The following KANK1 variants were observed in gnomAD, a reference collection of about 807,000 sequenced individuals.
KANK1 encodes KN motif and ankyrin repeat domain-containing protein 1.
KANK1 carries 109 observed loss-of-function variants against 106.2 expected under a neutral mutation model. The ratio of observed to expected loss-of-function variants is 1.03; its 90% confidence interval spans 0.88 to 1.20. The LOEUF is 1.20. KANK1 is among the 50% of genes most tolerant of loss of function. The probability of loss-of-function intolerance (pLI) is 0.00; values close to 1 mark genes in which losing one functional copy is unlikely to be tolerated. For missense variants in KANK1, 2,399 were observed against 1,710.7 expected, an observed-to-expected ratio of 1.40 and a Z score of -7.10; for synonymous variants, 873 against 652.2, an observed-to-expected ratio of 1.34 and a Z score of -5.16.
chr9:687,546 A>G (rs952797176), intron 2 of KANK1, among the ~76,000 whole-genome samples: 3 of 152,172 alleles, frequency 2.0e-5, no homozygotes, highest in Non-Finnish European at 4.4e-5. Flanking sequence ...AGCTGTATCC[A>G]AAGAGTTGTG....
intron 1 of KANK1, among the ~76,000 whole-genome samples, chr9:589,546 G>C (rs1824318960): frequency 6.6e-6 from 1 of 152,004 alleles, no homozygotes; most frequent in Non-Finnish European, 1.5e-5. Flanking sequence ...ATAAAGAAAG[G>C]GAAAAACAGG....
At chr9:508,119 G>GC (rs1563687664) in intron 1 of KANK1, among the ~76,000 whole-genome samples, 8 of 115,452 alleles carry the variant, frequency 6.9e-5, no homozygotes, top group African/African-American at 2.1e-4. Flanking sequence ...ACCCTGCTCA[G>GC]CCTTTTTTTT....
intron 1 of KANK1, among the ~76,000 whole-genome samples, chr9:662,294 A>G (rs1843508903): frequency 6.6e-6 from 1 of 152,190 alleles, no homozygotes; most frequent in Non-Finnish European, 1.5e-5. Context: ...TCAAGCTACC[A>G]ATGACTTTCT....
intron 1 of KANK1, among the ~76,000 whole-genome samples, chr9:574,854 C>CA (rs57091352): frequency 0.17 from 13,568 of 78,730 alleles, 1,073 homozygotes; most frequent in East Asian, 0.33. Context: ...GACTCCGTCT[C>CA]AAAAAAAAAA....
In KANK1 at chr9:630,621, G is replaced by T. The variant is rs537819946; in HGVS notation, c.-83-46269G>T. 2.0e-3 allele frequency among the ~76,000 whole-genome samples: 310 copies of T among 152,232 alleles called. 4 individuals carry two copies. The highest frequency in any genetic ancestry group is 4.4e-4 in the Non-Finnish European group (30 of 68,022). ...TGAGAGAGGCTGCAGAAAGCTTAGG[G>T]CTGGGCGCGGTGGCTCATGCCTGTA... On this transcript the variant is annotated intron_variant, in intron 1 of 11. Coordinates refer to ENST00000382297, the MANE Select transcript of KANK1 (RefSeq NM_015158.5).
intron 1 of KANK1, among the ~76,000 whole-genome samples, chr9:648,142 C>G (rs1012704974): frequency 6.7e-6 from 1 of 149,506 alleles, no homozygotes; most frequent in African/African-American, 2.5e-5. Context: ...TAGCTGGGAC[C>G]ACAGGCACAC....
At chr9:471,808 C>T (rs1451302269) in intron 2 of KANK1, among the ~76,000 whole-genome samples, 1 of 152,132 alleles carries the variant, frequency 6.6e-6, no homozygotes, top group African/African-American at 2.4e-5. Context: ...GCGAGAGAAT[C>T]GTTTGCACTT....
At chr9:728,167 T>G (rs1358361632) in intron 3 of KANK1, among the ~76,000 whole-genome samples, 1 of 152,178 alleles carries the variant, frequency 6.6e-6, no homozygotes, top group Non-Finnish European at 1.5e-5. Flanking sequence ...ATATATTTCT[T>G]CGATGTATTT....
At chr9:517,431 G>T (rs996834025) in intron 1 of KANK1, among the ~76,000 whole-genome samples, 5 of 150,928 alleles carry the variant, frequency 3.3e-5, no homozygotes, top group African/African-American at 9.9e-5. Context: ...GGACGGTTTC[G>T]ATTAGTTTTT....
intron 11 of KANK1, 100 bp from the exon 12 acceptor site, chr9:745,073 T>G: frequency 6.5e-7 from 1 of 1,544,756 alleles, no homozygotes; most frequent in Non-Finnish European, 8.7e-7. Flanking sequence ...GGCTCACAGC[T>G]GCTTGTTGCC....
chr9:538,597 A>G (rs1456515136), intron 1 of KANK1, among the ~76,000 whole-genome samples: 1 of 152,188 alleles, frequency 6.6e-6, no homozygotes, highest in African/African-American at 2.4e-5. Flanking sequence ...GGTTCCTTCA[A>G]ACAGGTGGGT....
chr9:683,598 A>G (rs992596618), intron 2 of KANK1, among the ~76,000 whole-genome samples: 5 of 152,230 alleles, frequency 3.3e-5, no homozygotes, highest in Admixed American at 2.0e-4. Context: ...ATATCTGTGA[A>G]GTTCTGATTA....
At chr9:487,202 G>T (rs985357168) in intron 3 of KANK1, among the ~76,000 whole-genome samples, 2 of 152,150 alleles carry the variant, frequency 1.3e-5, no homozygotes, top group African/African-American at 4.8e-5. Flanking sequence ...CAATGGTTTG[G>T]CTTATGGTTT....
chr9:493,412 C>G (rs890707074), intron 3 of KANK1, among the ~76,000 whole-genome samples: 1 of 151,806 alleles, frequency 6.6e-6, no homozygotes, highest in African/African-American at 2.4e-5. Flanking sequence ...ATGACAGAAG[C>G]CCCCAGTGAC....
At chr9:515,010 G>A (rs2059215709) in intron 1 of KANK1, among the ~76,000 whole-genome samples, 1 of 151,710 alleles carries the variant, frequency 6.6e-6, no homozygotes, top group Non-Finnish European at 1.5e-5. Flanking sequence ...CTCAAAAAGG[G>A]TTCATACTTT....
chr9:736,248 C>T (rs13283614), intron 7 of KANK1, among the ~76,000 whole-genome samples: 42,120 of 152,040 alleles, frequency 0.28, 6,613 homozygotes, highest in Non-Finnish European at 0.37. Context: ...CATGACCCAC[C>T]GCGCCTGGCC....
chr9:609,428 A>G (rs1296630841), intron 1 of KANK1, among the ~76,000 whole-genome samples: 61 of 152,058 alleles, frequency 4.0e-4, no homozygotes, highest in African/African-American at 1.4e-3. Context: ...AGGAGTTCAA[A>G]ACCAGCCTGG....
At chr9:479,458 T>C (rs540881206) in intron 3 of KANK1, among the ~76,000 whole-genome samples, 1 of 152,288 alleles carries the variant, frequency 6.6e-6, no homozygotes, top group East Asian at 1.9e-4. Context: ...GTATTAGGCA[T>C]TTGGCCATGT....
At chr9:631,847 G>T (rs1047503085) in intron 1 of KANK1, among the ~76,000 whole-genome samples, 1 of 152,198 alleles carries the variant, frequency 6.6e-6, no homozygotes, top group African/African-American at 2.4e-5. Flanking sequence ...TCATCTTTAA[G>T]CCTCATTTCA....
Sources: gnomAD v4.1 joint callset for allele counts (sites outside exome capture counted in the v4.1 genomes callset) on GRCh38, gnomAD v4.1.1 for gene constraint, MANE v1.5 for transcripts, NCBI Gene and HGNC (gene_info 2026-07-23, HGNC 2026-07-21) for gene names.